Variants in ARHGAP6 observed in about 807,000 individuals in gnomAD.
ARHGAP6 encodes the protein rho GTPase-activating protein 6.
Under a neutral mutation model 55.7 loss-of-function variants are expected in ARHGAP6, and 16 were observed. The ratio of observed to expected loss-of-function variants is 0.29; its 90% CI spans 0.19 to 0.44. The LOEUF (loss-of-function observed/expected upper bound fraction) is 0.44, where lower values mean the gene tolerates loss of function less well. Ranked by LOEUF, ARHGAP6 falls within the 20% of genes least tolerant of loss-of-function variation. ARHGAP6 has a pLI of 1.00. For missense variants in ARHGAP6, 698 were observed against 808.9 expected (o/e 0.86, Z 1.66); for synonymous variants, 382 against 360.9 (o/e 1.06, Z -0.66).
intron 1 of ARHGAP6, among the ~76,000 whole-genome samples, chrX:11,492,657 C>A (rs1240220885): frequency 9.0e-6 from 1 of 111,332 alleles, no homozygotes; most frequent in Non-Finnish European, 1.9e-5. Flanking sequence ...CTAACATGGA[C>A]AATGTTGAAG....
chrX:11,606,363 C>G (rs1206726196), intron 1 of ARHGAP6, among the ~76,000 whole-genome samples: 1 of 111,510 alleles, frequency 9.0e-6, no homozygotes, highest in Non-Finnish European at 1.9e-5. Flanking sequence ...TTTTATTAAA[C>G]TCTTTGCTAT....
intron 1 of ARHGAP6, among the ~76,000 whole-genome samples, chrX:11,642,315 A>G (rs2052483379): frequency 9.0e-6 from 1 of 111,433 alleles, no homozygotes; most frequent in Non-Finnish European, 1.9e-5. Flanking sequence ...CATGTCCTAT[A>G]TTCACTGTGT....
chrX:11,637,793 A>C (rs956778266), intron 1 of ARHGAP6, among the ~76,000 whole-genome samples: 4 of 109,087 alleles, frequency 3.7e-5, no homozygotes, highest in African/African-American at 1.3e-4. Context: ...AAGTCTTCTT[A>C]ATTACAAGTA....
chrX:11,397,653 C>T (rs990296064), intron 1 of ARHGAP6, among the ~76,000 whole-genome samples: 5 of 111,564 alleles, frequency 4.5e-5, no homozygotes, highest in Non-Finnish European at 7.5e-5. Flanking sequence ...CCAAAGTGGG[C>T]GGATCACTTG....
At position 11,209,083 on chromosome X, in the gene ARHGAP6, G is replaced by T. The variant is rs776168269; in HGVS notation, c.749-12087C>A. ...AATACCCATGTAGAATAAAAGTAAA[G>T]AAAAAATAATTCAGATAATCACTAC... On this transcript the variant is annotated intron_variant, in intron 2 of 12. Coordinates refer to ENST00000337414, the MANE Select transcript of ARHGAP6 (RefSeq NM_013427.3). Among the ~76,000 whole-genome samples, 167 of 111,992 alleles carry T rather than the reference G, an allele frequency of 1.5e-3. 1 individual carries two copies. Among genetic ancestry groups the T allele is most frequent in the Middle Eastern group, 9.3e-3 (2 of 216 alleles).
Position 11,166,387 on chromosome X carries a change from C to T in ARHGAP6, c.1809+3118G>A, listed in dbSNP as rs192695365. Reference sequence around the variant, plus strand: ...TAATGCTAATAGAAGTGACACCTCCCTTTCCGAGCTCTTAAACCCAAGGAC... The same window carrying T: ...TAATGCTAATAGAAGTGACACCTCCTTTTCCGAGCTCTTAAACCCAAGGAC... On this transcript the variant is annotated intron_variant, in intron 9 of 12. Transcript: ENST00000337414. Among the ~76,000 whole-genome samples the T allele has an allele frequency of 2.7e-5, 3 of 112,095 alleles. No individual in the cohort carries two copies. In the Admixed American group the frequency reaches 2.8e-4, roughly 11 times the overall value.
chrX:11,500,201 C>A (rs974565662), intron 1 of ARHGAP6, among the ~76,000 whole-genome samples: 2 of 111,629 alleles, frequency 1.8e-5, no homozygotes, highest in African/African-American at 6.5e-5. Flanking sequence ...CCCTTCCTTT[C>A]TTTGGAAGGT....
chrX:11,292,703 G>A (rs1339768711), intron 1 of ARHGAP6, among the ~76,000 whole-genome samples: 1 of 111,981 alleles, frequency 8.9e-6, no homozygotes, highest in East Asian at 2.8e-4. Context: ...TGTCTGGTGT[G>A]CACTCCTTGC....
chrX:11,210,806 A>C (rs1021238126), intron 2 of ARHGAP6, among the ~76,000 whole-genome samples: 1 of 112,598 alleles, frequency 8.9e-6, no homozygotes, highest in Non-Finnish European at 1.9e-5. Context: ...GTGGTTTCTC[A>C]AAAGTGAAAC....
At chrX:11,420,396 C>G (rs1399366698) in intron 1 of ARHGAP6, among the ~76,000 whole-genome samples, 1 of 111,819 alleles carries the variant, frequency 8.9e-6, no homozygotes, top group Non-Finnish European at 1.9e-5. Flanking sequence ...TGTTTGTAAA[C>G]AGTGGTCTCA....
chrX:11,406,279 G>A (rs1054693391), intron 1 of ARHGAP6, among the ~76,000 whole-genome samples: 3 of 111,036 alleles, frequency 2.7e-5, no homozygotes, highest in East Asian at 2.8e-4. Context: ...GGATGGGGGC[G>A]GAGATTTTGC....
chrX:11,255,029 T>C (rs1294275818), intron 1 of ARHGAP6, among the ~76,000 whole-genome samples: 2 of 111,554 alleles, frequency 1.8e-5, no homozygotes, highest in Non-Finnish European at 3.8e-5. Flanking sequence ...TTCTAACTTT[T>C]GTGAAACACT....
chrX:11,519,269 T>C (rs1259545649), intron 1 of ARHGAP6, among the ~76,000 whole-genome samples: 1 of 108,318 alleles, frequency 9.2e-6, no homozygotes, highest in Non-Finnish European at 1.9e-5. Context: ...AAAGTGTTCC[T>C]ATTTCTCCAC....
chrX:11,606,619 C>G, intron 1 of ARHGAP6, among the ~76,000 whole-genome samples: 1 of 111,297 alleles, frequency 9.0e-6, no homozygotes, highest in Non-Finnish European at 1.9e-5. Context: ...TAGACACAGT[C>G]CAGGGAACAC....
intron 1 of ARHGAP6, among the ~76,000 whole-genome samples, chrX:11,371,796 C>T (rs1348887646): frequency 1.8e-5 from 2 of 112,322 alleles, no homozygotes; most frequent in African/African-American, 3.2e-5. Flanking sequence ...TACTTGAGCT[C>T]ATGCTCATAT....
chrX:11,251,710 T>A (rs1028888973), intron 2 of ARHGAP6, among the ~76,000 whole-genome samples: 2 of 112,009 alleles, frequency 1.8e-5, no homozygotes, highest in African/African-American at 6.5e-5. Flanking sequence ...CCTGTGAAAA[T>A]TATTCACACA....
intron 1 of ARHGAP6, among the ~76,000 whole-genome samples, chrX:11,402,490 G>T (rs774919485): frequency 9.1e-6 from 1 of 110,476 alleles, no homozygotes; most frequent in East Asian, 2.8e-4. Context: ...TTGTACAGGG[G>T]TCACCTCCCT....
chrX:11,617,170 T>C (rs1214407987), intron 1 of ARHGAP6, among the ~76,000 whole-genome samples: 1 of 112,294 alleles, frequency 8.9e-6, no homozygotes, highest in Non-Finnish European at 1.9e-5. Context: ...AGCTCATTGA[T>C]ATTTTTATAT....
At chrX:11,411,183 T>TATA (rs2049676180) in intron 1 of ARHGAP6, among the ~76,000 whole-genome samples, 2 of 31,775 alleles carry the variant, frequency 6.3e-5, no homozygotes, top group African/African-American at 9.8e-5. Flanking sequence ...CAGACATTAT[T>TATA]TATATATATA....
Sources: allele counts gnomAD v4.1 joint callset (sites outside exome capture counted in the v4.1 genomes callset), GRCh38; gene constraint gnomAD v4.1.1; transcripts MANE v1.5; gene names NCBI Gene and HGNC (gene_info 2026-07-23, HGNC 2026-07-21).